PLA1A: variants seen among roughly 807,000 people sequenced by gnomAD.
PLA1A encodes phosphatidylserine-specific phospholipase A1alpha.
PLA1A carries 47 observed loss-of-function variants against 49.4 expected under a neutral mutation model. That is an observed-to-expected ratio of 0.95 (90% CI 0.75 to 1.21). The LOEUF (loss-of-function observed/expected upper bound fraction) is 1.21. PLA1A is among the 50% of genes most tolerant of loss of function. The pLI is 0.00. For missense variants in PLA1A, 561 were observed against 563.9 expected, an observed-to-expected ratio of 0.99 and a Z score of 0.05; for synonymous variants, 224 against 207.9, an observed-to-expected ratio of 1.08 and a Z score of -0.67.
chr3:119,615,925 G>A (rs1040563449), intron 5 of PLA1A, 87 bp from the exon 6 acceptor site: 1 of 767,074 alleles, frequency 1.3e-6, no homozygotes, highest in African/African-American at 1.7e-5. Context: ...GGCAGAGAGT[G>A]GGTGGGCTCC....
At chr3:119,623,431 G>C (rs542152562) in intron 8 of PLA1A, among the ~76,000 whole-genome samples, 56 of 152,334 alleles carry the variant, frequency 3.7e-4, no homozygotes, top group African/African-American at 1.2e-3. Flanking sequence ...TCAGGCATGA[G>C]CCACTATGCC....
chr3:119,606,802 G>C lies in PLA1A; in HGVS notation c.102G>C (p.Lys34Asn). 1.9e-6 allele frequency: 3 copies of C among 1,614,122 alleles called. No homozygotes were observed. The highest frequency in any genetic ancestry group is 1.1e-5 in the South Asian group (1 of 91,078). ...SGDAPPTPQP[K>N]CADFQSANLF... ...ATGCACCTCCTACCCCACAGCCAAA[G>C]TGCGCTGACTTCCAGAGCGCCAACC... Residue 34 changes from lysine (K) to asparagine (N), a missense_variant, in exon 2 of 11, where the codon AAG becomes AAC. Transcript: ENST00000273371.
At chr3:119,619,675 G>C in intron 8 of PLA1A, 23 bp downstream of exon 8, 1 of 1,482,522 alleles carries the variant, frequency 6.7e-7, no homozygotes, top group South Asian at 1.1e-5. Flanking sequence ...AAATGCATGA[G>C]CTCAGCTCTG....
chr3:119,603,803 A>G, intron 1 of PLA1A, among the ~76,000 whole-genome samples: 1 of 152,244 alleles, frequency 6.6e-6, no homozygotes, highest in East Asian at 1.9e-4. Flanking sequence ...GGCAAAGAAA[A>G]TATTTGATTG....
At chr3:119,608,651 A>T in intron 2 of PLA1A, 119 bp from the exon 3 acceptor site, 1 of 799,034 alleles carries the variant, frequency 1.3e-6, no homozygotes, top group Non-Finnish European at 2.1e-6. Context: ...TAAACTCCTC[A>T]TATGAGCCCT....
chr3:119,615,949 T>G, intron 5 of PLA1A, 63 bp from the exon 6 acceptor site: 1 of 1,042,398 alleles, frequency 9.6e-7, no homozygotes, highest in Non-Finnish European at 1.5e-6. Context: ...GGTCAGAGTT[T>G]GAGGTCCGCT....
At chr3:119,611,961 T>C (rs2082769111) in intron 4 of PLA1A, among the ~76,000 whole-genome samples, 1 of 152,206 alleles carries the variant, frequency 6.6e-6, no homozygotes, top group Non-Finnish European at 1.5e-5. Flanking sequence ...ACTGTGGAAA[T>C]AAACTTTAGA....
chr3:119,625,926 C>T (rs548886426), intron 9 of PLA1A, among the ~76,000 whole-genome samples: 1 of 152,158 alleles, frequency 6.6e-6, no homozygotes, highest in East Asian at 1.9e-4. Context: ...AAAAAGCAAC[C>T]GGTTAGTTAT....
At chr3:119,616,796 G>A (rs776749352) in intron 6 of PLA1A, among the ~76,000 whole-genome samples, 1 of 152,190 alleles carries the variant, frequency 6.6e-6, no homozygotes, top group Non-Finnish European at 1.5e-5. Flanking sequence ...TTCGCAATTT[G>A]CGAATTTCTC....
chr3:119,621,200 T>C (rs980094063), intron 8 of PLA1A, among the ~76,000 whole-genome samples: 41 of 152,104 alleles, frequency 2.7e-4, no homozygotes, highest in African/African-American at 9.9e-4. Context: ...AGCAGGAAAG[T>C]GTGGGGAATG....
chr3:119,608,971 G>A, intron 3 of PLA1A, 24 bp downstream of exon 3: 1 of 1,599,874 alleles, frequency 6.3e-7, no homozygotes, highest in Non-Finnish European at 8.6e-7. Flanking sequence ...AGCTTAGGGT[G>A]AGTTTGGGCT....
chr3:119,623,813 C>G (rs912138308), intron 8 of PLA1A, among the ~76,000 whole-genome samples: 2 of 150,746 alleles, frequency 1.3e-5, no homozygotes, highest in Non-Finnish European at 2.9e-5. Context: ...CAACCTCTGC[C>G]TCCCGGGTTC....
Position 119,629,749 on chromosome 3 carries a change from T to G in PLA1A, c.*281T>G, listed in dbSNP as rs974865513. ...TCTCCTTGGGCATTCGTACTTAGGA[T>G]TCAATAGAAACATGTACAGGGTAAA... On this transcript the variant is annotated 3_prime_UTR_variant, in exon 11 of 11. Coordinates refer to ENST00000273371, the MANE Select transcript of PLA1A (RefSeq NM_015900.4). The G allele has an allele frequency of 5.1e-6, 2 of 395,792 alleles. No homozygotes were observed. The highest frequency in any genetic ancestry group is 4.0e-5 in the Admixed American group (1 of 24,982). The allele number at this position is 395,792 out of a possible 1,614,324, so 24.5% of individuals were successfully genotyped here.
chr3:119,605,995 G>T (rs1377125416), intron 1 of PLA1A, among the ~76,000 whole-genome samples: 2 of 152,290 alleles, frequency 1.3e-5, no homozygotes. Flanking sequence ...GATTAGGTGG[G>T]GCTAAAGAGT....
intron 10 of PLA1A, 95 bp downstream of exon 10, chr3:119,628,960 C>A: frequency 1.0e-6 from 1 of 967,790 alleles, no homozygotes; most frequent in Non-Finnish European, 1.6e-6. Context: ...TCAATCTCAT[C>A]ATAGTGATTA....
chr3:119,624,803 A>G (rs1485339739), intron 8 of PLA1A, among the ~76,000 whole-genome samples: 3 of 151,986 alleles, frequency 2.0e-5, no homozygotes, highest in African/African-American at 7.2e-5. Flanking sequence ...GCTAATTTTT[A>G]TATTTTTAGT....
chr3:119,628,834 T>A lies in PLA1A; in HGVS notation c.1255T>A (p.Phe419Ile), dbSNP rs572103331. Residue 419 changes from phenylalanine to isoleucine, a missense_variant, in exon 10 of 11, where the codon TTC becomes ATC. Physicochemically the swap from Phe to Ile is conservative, Grantham distance 21. Coordinates refer to ENST00000273371, the MANE Select transcript of PLA1A (RefSeq NM_015900.4). Reference sequence around the variant, plus strand: ...AGACCGGACTACCATTATTGGGAAGTTCTGCACTGCCCTTTTGCCTGTCAA... The same window carrying A: ...AGACCGGACTACCATTATTGGGAAGATCTGCACTGCCCTTTTGCCTGTCAA... ...KKDRTTIIGK[F>I]CTALLPVNDR... The A allele has an allele frequency of 9.5e-5, 154 of 1,614,160 alleles. 1 individual carries two copies. In the South Asian group the frequency reaches 1.7e-3, roughly 18 times the overall value.
intron 8 of PLA1A, among the ~76,000 whole-genome samples, chr3:119,623,722 T>C (rs866893523): frequency 0.25 from 28,954 of 118,174 alleles, 2,010 homozygotes; most frequent in East Asian, 0.31. Flanking sequence ...TCTTTCTTTT[T>C]TTTTTTTTTT....
intron 1 of PLA1A, among the ~76,000 whole-genome samples, chr3:119,604,294 T>C (rs2082655523): frequency 6.6e-6 from 1 of 152,152 alleles, no homozygotes; most frequent in Admixed American, 6.5e-5. Flanking sequence ...ATCAAAGAGA[T>C]ATCTGCACTC....
Sources: allele counts gnomAD v4.1 joint callset (sites outside exome capture counted in the v4.1 genomes callset), GRCh38; gene constraint gnomAD v4.1.1; transcripts MANE v1.5; gene names NCBI Gene and HGNC (gene_info 2026-07-23, HGNC 2026-07-21).